Variants in CFH observed in about 807,000 individuals in gnomAD.
CFH encodes the protein complement factor H.
A neutral mutation model predicts 147.3 loss-of-function variants in CFH; 53 were observed. That is an observed-to-expected ratio of 0.36 (90% CI 0.29 to 0.45). CFH has a LOEUF of 0.45. Ranked by LOEUF, CFH falls within the 20% of genes least tolerant of loss-of-function variation. The probability of loss-of-function intolerance (pLI) is 1.00; values close to 1 mark genes in which losing one functional copy is unlikely to be tolerated. For synonymous variants in CFH, 536 were observed against 489.4 expected, an observed-to-expected ratio of 1.10 and a Z score of -1.26; for missense variants, 1,380 against 1,498.0, an observed-to-expected ratio of 0.92 and a Z score of 1.30.
chr1:196,659,239 T>C (rs116494245), intron 1 of CFH, among the ~76,000 whole-genome samples: 272 of 152,332 alleles, frequency 1.8e-3, no homozygotes, highest in African/African-American at 6.2e-3. Context: ...GAACATTCGA[T>C]TGTTAGTCAA....
At chr1:196,733,209 G>A (rs372786981) in intron 15 of CFH, among the ~76,000 whole-genome samples, 28 of 152,104 alleles carry the variant, frequency 1.8e-4, no homozygotes, top group African/African-American at 4.1e-4. Flanking sequence ...TTTTGTTTGC[G>A]TCATTAGATA....
rs969119578 is a variant in CFH, at chr1:196,654,529, C to T, written c.58+2354C>T. Among the ~76,000 whole-genome samples the T allele has an allele frequency of 2.6e-5, 4 of 152,160 alleles. No homozygotes were observed. In the South Asian group the frequency reaches 6.2e-4, roughly 24 times the overall value. On this transcript the variant is annotated intron_variant, in intron 1 of 21. Coordinates refer to ENST00000367429, the MANE Select transcript of CFH (RefSeq NM_000186.4). Reference sequence around the variant, plus strand: ...AAGTTTAAAATAACAGTTTCTCAATCGTACCACCTAATTTCACCTTTTTGA... The same window carrying T: ...AAGTTTAAAATAACAGTTTCTCAATTGTACCACCTAATTTCACCTTTTTGA...
chr1:196,690,991 A>C (rs36062459), intron 9 of CFH, among the ~76,000 whole-genome samples: 2,064 of 152,186 alleles, frequency 0.014, 49 homozygotes, highest in African/African-American at 0.047. Context: ...TCACCTTGCA[A>C]GCTTCCAGCT....
intron 9 of CFH, among the ~76,000 whole-genome samples, chr1:196,702,618 C>T (rs1482062824): frequency 6.6e-6 from 1 of 151,290 alleles, no homozygotes; most frequent in Admixed American, 6.6e-5. Context: ...CCCCAATTTG[C>T]TCAATATTTT....
rs187581187 is a variant in CFH, at chr1:196,695,672, C to A, written c.1336+5433C>A. Among the ~76,000 whole-genome samples the A allele has an allele frequency of 2.8e-3, 420 of 152,130 alleles. 2 individuals carry two copies. Among genetic ancestry groups the A allele is most frequent in the Middle Eastern group, 0.01 (3 of 294 alleles). On this transcript the variant is annotated intron_variant, in intron 9 of 21. Coordinates refer to ENST00000367429, the MANE Select transcript of CFH (RefSeq NM_000186.4). ...ATTTTTCTATTTATTTTGGCCCTCT[C>A]TTATTTCCCTGAGCAGTGGTTTGTA...
At chr1:196,669,686 G>A (rs1188849089) in intron 1 of CFH, among the ~76,000 whole-genome samples, 1 of 152,206 alleles carries the variant, frequency 6.6e-6, no homozygotes, top group Non-Finnish European at 1.5e-5. Flanking sequence ...CCAGGCAGAG[G>A]TGTGCTGCAA....
At chr1:196,685,780 C>T (rs962348991) in intron 7 of CFH, among the ~76,000 whole-genome samples, 9 of 152,034 alleles carry the variant, frequency 5.9e-5, no homozygotes, top group African/African-American at 2.2e-4. Flanking sequence ...CAGGTCCTTA[C>T]CACATAGGCC....
At chr1:196,663,462 T>G (rs1005629085) in intron 1 of CFH, among the ~76,000 whole-genome samples, 2 of 152,228 alleles carry the variant, frequency 1.3e-5, no homozygotes, top group Non-Finnish European at 2.9e-5. Flanking sequence ...TCCTCAGATA[T>G]CATTAGTCAA....
At position 196,726,790 on chromosome 1, in the gene CFH, G is replaced by A. The variant is rs267598266; in HGVS notation, c.2086G>A (p.Glu696Lys). The change falls in exon 14 of 22, where the codon GAA (glutamate) becomes AAA (lysine). Residue 696 changes from glutamate (E) to lysine (K), a missense_variant. Transcript: ENST00000367429. The part of the protein sequence containing the change: ...VEESTCGDIP[E>K]LEHGWAQLSS... Reference sequence around the variant, plus strand: ...GGAGAGTACCTGTGGAGATATACCTGAACTTGAACATGGCTGGGCCCAGCT... The same window carrying A: ...GGAGAGTACCTGTGGAGATATACCTAAACTTGAACATGGCTGGGCCCAGCT... 1 of 1,613,802 alleles carries A rather than the reference G, an allele frequency of 6.2e-7. No individual in the cohort carries two copies.
chr1:196,738,616 C>T (rs1652674698), intron 17 of CFH, among the ~76,000 whole-genome samples: 1 of 152,232 alleles, frequency 6.6e-6, no homozygotes, highest in African/African-American at 2.4e-5. Context: ...GTCTCACATT[C>T]AGGTCATGCT....
chr1:196,669,442 T>C (rs1318067801), intron 1 of CFH, among the ~76,000 whole-genome samples: 3 of 152,040 alleles, frequency 2.0e-5, no homozygotes, highest in African/African-American at 7.2e-5. Context: ...GAAGGAAAAA[T>C]GGTTTTGCAG....
At chr1:196,745,471 A>T in intron 20 of CFH, among the ~76,000 whole-genome samples, 1 of 152,078 alleles carries the variant, frequency 6.6e-6, no homozygotes, top group Admixed American at 6.5e-5. Context: ...ATACTTTTCC[A>T]TTTTATAATT....
intron 9 of CFH, among the ~76,000 whole-genome samples, chr1:196,712,401 T>C (rs942409807): frequency 2.0e-4 from 31 of 151,374 alleles, no homozygotes; most frequent in Non-Finnish European, 4.0e-4. Context: ...TTTATTCTTT[T>C]CTTTTATAGC....
chr1:196,653,267 T>C (rs1666566353), intron 1 of CFH, among the ~76,000 whole-genome samples: 1 of 151,812 alleles, frequency 6.6e-6, no homozygotes, highest in Non-Finnish European at 1.5e-5. Context: ...TGTTATTGCT[T>C]GTTCTTTGGC....
At chr1:196,657,646 G>T (rs1441025581) in intron 1 of CFH, among the ~76,000 whole-genome samples, 4 of 152,076 alleles carry the variant, frequency 2.6e-5, no homozygotes, top group Non-Finnish European at 5.9e-5. Flanking sequence ...AGATAAGAAA[G>T]AAATTTAATG....
At chr1:196,685,685 C>T (rs566113199) in intron 7 of CFH, among the ~76,000 whole-genome samples, 12 of 152,116 alleles carry the variant, frequency 7.9e-5, no homozygotes, top group Admixed American at 5.9e-4. Context: ...GATCATGGCC[C>T]AGGCTACAGT....
intron 9 of CFH, among the ~76,000 whole-genome samples, chr1:196,702,046 A>G (rs777079942): frequency 6.6e-6 from 1 of 152,172 alleles, no homozygotes; most frequent in Non-Finnish European, 1.5e-5. Context: ...AAGTACAACA[A>G]TGTAGAAAAA....
intron 9 of CFH, among the ~76,000 whole-genome samples, chr1:196,691,403 G>T (rs1668019547): frequency 6.6e-6 from 1 of 151,830 alleles, no homozygotes; most frequent in Non-Finnish European, 1.5e-5. Context: ...TATATCAACA[G>T]TTACTTCTTT....
chr1:196,690,120 T>C lies in CFH; in HGVS notation c.1217T>C (p.Phe406Ser), dbSNP rs1381076133. ...NGYNQNHGRKFVQGKSIDVAC... is the reference protein window; with the variant it reads ...NGYNQNHGRKSVQGKSIDVAC... ...TATAATCAAAATCATGGAAGAAAGT[T>C]TGTACAGGGTAAATCTATAGACGTT... The change falls in exon 9 of 22, where the codon TTT becomes TCT. Residue 406 changes from phenylalanine to serine, a missense_variant. By Grantham distance (155) the Phe-to-Ser change is radical. This residue lies in a region of CFH where 830 missense variants were observed against 821.4 expected (regional missense o/e 1.01). Coordinates refer to ENST00000367429, the MANE Select transcript of CFH (RefSeq NM_000186.4). 5 of 1,612,666 alleles carry C rather than the reference T, an allele frequency of 3.1e-6. No homozygotes were observed. The highest frequency in any genetic ancestry group is 4.2e-6 in the Non-Finnish European group (5 of 1,179,148).
Sources: gnomAD v4.1 joint callset for allele counts (sites outside exome capture counted in the v4.1 genomes callset) on GRCh38, gnomAD v4.1.1 for gene constraint, gnomAD v4.1.1 regional missense constraint, MANE v1.5 for transcripts, NCBI Gene and HGNC (gene_info 2026-07-23, HGNC 2026-07-21) for gene names.